ZFPM2: variants seen among roughly 807,000 people sequenced by gnomAD.
ZFPM2 encodes zinc finger protein ZFPM2.
ZFPM2 carries 20 observed loss-of-function variants against 98.6 expected under a neutral mutation model. The ratio of observed to expected loss-of-function variants is 0.20; its 90% CI spans 0.14 to 0.29. The LOEUF (loss-of-function observed/expected upper bound fraction) is 0.29. Ranked by LOEUF, ZFPM2 falls within the 10% of genes least tolerant of loss-of-function variation. ZFPM2 has a pLI of 1.00. For missense variants in ZFPM2, 1,310 were observed against 1,388.6 expected, an observed-to-expected ratio of 0.94 and a Z score of 0.90; for synonymous variants, 518 against 502.7, an observed-to-expected ratio of 1.03 and a Z score of -0.41.
intron 3 of ZFPM2, among the ~76,000 whole-genome samples, chr8:105,545,304 TA>T (rs1814670974): frequency 6.6e-6 from 1 of 152,184 alleles, no homozygotes; most frequent in South Asian, 2.1e-4. Context: ...ATTATACATT[TA>T]ATCATTGTTA....
rs1290555613 is a variant in ZFPM2 at position 105,419,161 on chromosome 8, A to G, written c.58A>G (p.Ile20Val). The change falls in exon 2 of 8, where the codon ATT becomes GTT. Residue 20 changes from isoleucine (I) to valine (V), a missense_variant. Coordinates refer to ENST00000407775, the MANE Select transcript of ZFPM2 (RefSeq NM_012082.4). ...RQIKRPLEDA[I>V]EDEEEECPSE... is the part of the protein sequence containing the mutation. ...TTTTCAAGGGCCGCTTGAAGATGCC[A>G]TTGAAGATGAGGAAGAAGAATGTCC... 1.2e-6 allele frequency: 2 copies of G among 1,613,018 alleles called. No homozygotes were observed. The highest frequency in any genetic ancestry group is 1.7e-6 in the Non-Finnish European group (2 of 1,179,510).
intron 1 of ZFPM2, among the ~76,000 whole-genome samples, chr8:105,357,170 G>T (rs772395631): frequency 2.0e-5 from 3 of 152,098 alleles, no homozygotes; most frequent in Admixed American, 6.6e-5. Flanking sequence ...TTCATATGAT[G>T]CCCCTGTCTT....
chr8:105,802,734 T>C lies in ZFPM2; in HGVS notation c.2652T>C (p.Arg884=). 1 of 1,613,366 alleles carries C rather than the reference T, an allele frequency of 6.2e-7. No individual in the cohort carries two copies. Among genetic ancestry groups the C allele is most frequent in the Non-Finnish European group, 8.5e-7 (1 of 1,179,698 alleles). ...QNFCPVTAHQ[R]NDLGQLDGKV... ...TCTGCCCGGTTACTGCACATCAGCGTAATGACCTGGGTCAACTGGACGGCA... is the reference window on the plus strand; with the variant it reads ...TCTGCCCGGTTACTGCACATCAGCGCAATGACCTGGGTCAACTGGACGGCA... The change falls in exon 8 of 8, where the codon CGT becomes CGC. Residue 884 remains arginine, a synonymous_variant. Coordinates refer to ENST00000407775, the MANE Select transcript of ZFPM2 (RefSeq NM_012082.4).
intron 1 of ZFPM2, among the ~76,000 whole-genome samples, chr8:105,338,862 T>G (rs983544170): frequency 3.3e-5 from 5 of 151,810 alleles, no homozygotes; most frequent in African/African-American, 1.2e-4. Flanking sequence ...AGAATGCAAA[T>G]TAAAGTAGCA....
chr8:105,707,947 G>A (rs1586210841), intron 5 of ZFPM2, among the ~76,000 whole-genome samples: 1 of 152,116 alleles, frequency 6.6e-6, no homozygotes, highest in African/African-American at 2.4e-5. Flanking sequence ...AAGCTTTAGG[G>A]GTTAGCCTGA....
intron 3 of ZFPM2, among the ~76,000 whole-genome samples, chr8:105,444,954 T>C (rs1812337008): frequency 6.6e-6 from 1 of 152,192 alleles, no homozygotes; most frequent in Admixed American, 6.5e-5. Flanking sequence ...TATAAATGTA[T>C]GTAAATATAT....
intron 1 of ZFPM2, among the ~76,000 whole-genome samples, chr8:105,400,983 C>T (rs1285203072): frequency 6.6e-6 from 1 of 151,118 alleles, no homozygotes; most frequent in Non-Finnish European, 1.5e-5. Flanking sequence ...TCTAAAAATT[C>T]CCCAAGGAAT....
intron 1 of ZFPM2, among the ~76,000 whole-genome samples, chr8:105,329,398 CAG>C (rs1812171313): frequency 6.6e-6 from 1 of 151,804 alleles, no homozygotes; most frequent in Non-Finnish European, 1.5e-5. Context: ...AGTCTACAAA[CAG>C]AAATGTGTGA....
intron 5 of ZFPM2, among the ~76,000 whole-genome samples, chr8:105,758,169 T>G (rs1563551434): frequency 6.6e-6 from 1 of 152,122 alleles, no homozygotes; most frequent in Non-Finnish European, 1.5e-5. Flanking sequence ...ACCTGCTTTG[T>G]GAACACCAAA....
At position 105,513,113 on chromosome 8, in the gene ZFPM2, G is replaced by A. The variant is rs111789019; in HGVS notation, c.302-48250G>A. 6.4e-3 allele frequency among the ~76,000 whole-genome samples: 973 copies of A among 152,150 alleles called. 7 individuals carry two copies. Among genetic ancestry groups the A allele is most frequent in the African/African-American group, 0.022 (897 of 41,484 alleles). ...CTTTAGCTCTTGTGTTTGTTGTTGT[G>A]GAATGGTGGGCCCAACGTGCAAAAT... On this transcript the variant is annotated intron_variant, in intron 3 of 7. Coordinates refer to ENST00000407775, the MANE Select transcript of ZFPM2 (RefSeq NM_012082.4).
At chr8:105,578,895 A>G (rs557354609) in intron 4 of ZFPM2, among the ~76,000 whole-genome samples, 4 of 152,290 alleles carry the variant, frequency 2.6e-5, no homozygotes, top group African/African-American at 9.6e-5. Flanking sequence ...TTACATTTTT[A>G]TAGTTTCCAT....
intron 3 of ZFPM2, among the ~76,000 whole-genome samples, chr8:105,510,528 T>C (rs756531498): frequency 1.3e-5 from 2 of 152,130 alleles, no homozygotes; most frequent in Non-Finnish European, 2.9e-5. Flanking sequence ...TGACTGATTA[T>C]GGTTAAAATA....
intron 4 of ZFPM2, among the ~76,000 whole-genome samples, chr8:105,589,896 AT>A (rs11289629): frequency 0.3 from 45,869 of 151,724 alleles, 7,220 homozygotes; most frequent in South Asian, 0.39. Flanking sequence ...TAATTTTTGT[AT>A]TTTTTAGTAG....
chr8:105,769,377 G>A (rs1024000605), intron 5 of ZFPM2, among the ~76,000 whole-genome samples: 6 of 151,930 alleles, frequency 3.9e-5, no homozygotes, highest in Non-Finnish European at 8.8e-5. Flanking sequence ...AGGTCCCTTC[G>A]AGGCTTTACT....
chr8:105,607,281 A>G (rs2130793337), intron 4 of ZFPM2, among the ~76,000 whole-genome samples: 1 of 152,222 alleles, frequency 6.6e-6, no homozygotes, highest in Middle Eastern at 3.4e-3. Context: ...AGAAAACCTT[A>G]TCTTTTTTAA....
At chr8:105,347,277 A>G (rs1037203494) in intron 1 of ZFPM2, among the ~76,000 whole-genome samples, 7 of 152,168 alleles carry the variant, frequency 4.6e-5, no homozygotes, top group African/African-American at 1.7e-4. Context: ...TTAAAAGCCT[A>G]TATGAAACAT....
chr8:105,481,540 A>T (rs1324716626), intron 3 of ZFPM2, among the ~76,000 whole-genome samples: 1 of 152,054 alleles, frequency 6.6e-6, no homozygotes, highest in African/African-American at 2.4e-5. Flanking sequence ...ATGAGCTAAT[A>T]ATCTAACCAT....
At chr8:105,636,591 A>G (rs143905548) in intron 5 of ZFPM2, among the ~76,000 whole-genome samples, 35 of 152,260 alleles carry the variant, frequency 2.3e-4, no homozygotes, top group African/African-American at 7.5e-4. Flanking sequence ...TCTACTCTAT[A>G]TTTACTGAGG....
intron 1 of ZFPM2, among the ~76,000 whole-genome samples, chr8:105,400,200 A>G (rs1372613482): frequency 7.2e-5 from 11 of 151,946 alleles, no homozygotes; most frequent in Admixed American, 5.9e-4. Context: ...TTTGCTTCTT[A>G]TAGTTATTAT....
Sources: allele counts gnomAD v4.1 joint callset (sites outside exome capture counted in the v4.1 genomes callset), GRCh38; gene constraint gnomAD v4.1.1; transcripts MANE v1.5; gene names NCBI Gene and HGNC (gene_info 2026-07-23, HGNC 2026-07-21).